DCLK1: variants seen among roughly 807,000 people sequenced by gnomAD.
DCLK1 encodes doublecortin like kinase 1, also known as serine/threonine-protein kinase DCLK1.
In DCLK1, 16 loss-of-function variants were observed where a neutral mutation model predicts 86.2. The ratio of observed to expected loss-of-function variants is 0.19; its 90% CI spans 0.13 to 0.28. The LOEUF is 0.28. Among genes scored for constraint, DCLK1 ranks in the 10% least tolerant of loss-of-function variants. The probability of loss-of-function intolerance (pLI) is 1.00; values close to 1 mark genes in which losing one functional copy is unlikely to be tolerated. For missense variants in DCLK1, 590 were observed against 940.2 expected, an observed-to-expected ratio of 0.63 and a Z score of 4.87; for synonymous variants, 369 against 370.5, an observed-to-expected ratio of 1.00 and a Z score of 0.05.
chr13:35,820,370 T>C (rs1338381075), intron 11 of DCLK1, among the ~76,000 whole-genome samples: 1 of 152,132 alleles, frequency 6.6e-6, no homozygotes, highest in Non-Finnish European at 1.5e-5. Context: ...GCTTCTTAAA[T>C]TAGAAGAGAA....
chr13:36,043,388 A>G (rs888253369), intron 3 of DCLK1, among the ~76,000 whole-genome samples: 1 of 152,078 alleles, frequency 6.6e-6, no homozygotes, highest in African/African-American at 2.4e-5. Flanking sequence ...AAATTAAGAC[A>G]TAGAAAATAT....
At chr13:35,919,371 T>A (rs1875645639) in intron 4 of DCLK1, among the ~76,000 whole-genome samples, 1 of 152,178 alleles carries the variant, frequency 6.6e-6, no homozygotes, top group Non-Finnish European at 1.5e-5. Context: ...TTCTATAGCA[T>A]CTTCAACAAA....
At chr13:36,114,214 A>G (rs1049511629) in intron 2 of DCLK1, among the ~76,000 whole-genome samples, 1 of 152,258 alleles carries the variant, frequency 6.6e-6, no homozygotes, top group African/African-American at 2.4e-5. Context: ...TTTTAAAAAT[A>G]TCTTCTTAGA....
At chr13:36,035,678 A>G (rs1437820857) in intron 3 of DCLK1, among the ~76,000 whole-genome samples, 1 of 152,150 alleles carries the variant, frequency 6.6e-6, no homozygotes, top group African/African-American at 2.4e-5. Flanking sequence ...AGCTGGGACC[A>G]CAGGCAAAAG....
intron 3 of DCLK1, among the ~76,000 whole-genome samples, chr13:36,059,379 T>C (rs1439123833): frequency 6.6e-6 from 1 of 151,348 alleles, no homozygotes; most frequent in Non-Finnish European, 1.5e-5. Flanking sequence ...TGCTAGAAAC[T>C]TGGCATTTAA....
chr13:35,884,074 C>T (rs976354457), intron 4 of DCLK1, among the ~76,000 whole-genome samples: 2 of 152,114 alleles, frequency 1.3e-5, no homozygotes, highest in Admixed American at 6.5e-5. Context: ...ATTAAAAACC[C>T]ATGTGATCCC....
intron 3 of DCLK1, among the ~76,000 whole-genome samples, chr13:35,962,421 A>G (rs1878509145): frequency 6.6e-6 from 1 of 152,186 alleles, no homozygotes; most frequent in Non-Finnish European, 1.5e-5. Context: ...GATTGCCAGC[A>G]AACACCAGAA....
chr13:36,051,157 A>T (rs1249876449), intron 3 of DCLK1, among the ~76,000 whole-genome samples: 2 of 152,232 alleles, frequency 1.3e-5, no homozygotes, highest in Non-Finnish European at 2.9e-5. Flanking sequence ...TGAGGAGAAG[A>T]TAAAAGCACC....
intron 4 of DCLK1, among the ~76,000 whole-genome samples, chr13:35,899,535 G>C (rs985361015): frequency 4.6e-5 from 7 of 152,144 alleles, no homozygotes; most frequent in African/African-American, 1.7e-4. Context: ...CATGTGGAAA[G>C]AATACTAATC....
intron 4 of DCLK1, among the ~76,000 whole-genome samples, chr13:35,941,395 C>A (rs1306849712): frequency 6.6e-6 from 1 of 152,136 alleles, no homozygotes; most frequent in Non-Finnish European, 1.5e-5. Context: ...ATTTACCAAG[C>A]AGATCTTGGG....
chr13:35,996,160 C>A (rs12430702), intron 3 of DCLK1, among the ~76,000 whole-genome samples: 54,929 of 152,016 alleles, frequency 0.36, 11,059 homozygotes, highest in Non-Finnish European at 0.44. Flanking sequence ...AACTCCTGAC[C>A]TCAGGGGATC....
intron 3 of DCLK1, among the ~76,000 whole-genome samples, chr13:35,985,300 C>T (rs988202264): frequency 3.3e-5 from 5 of 151,960 alleles, no homozygotes; most frequent in African/African-American, 9.7e-5. Flanking sequence ...TAGGGATCTA[C>T]AGGGTATGAG....
intron 3 of DCLK1, among the ~76,000 whole-genome samples, chr13:36,076,646 T>C (rs965749118): frequency 4.6e-5 from 7 of 152,202 alleles, no homozygotes; most frequent in Non-Finnish European, 8.8e-5. Context: ...ATTCTATTAA[T>C]TCAATGATTT....
intron 3 of DCLK1, among the ~76,000 whole-genome samples, chr13:36,058,222 T>C (rs976464787): frequency 2.0e-5 from 3 of 152,080 alleles, no homozygotes; most frequent in Admixed American, 6.5e-5. Context: ...TCGAGTACAA[T>C]TGCCATTCAC....
intron 10 of DCLK1, 118 bp downstream of exon 10, chr13:35,827,517 G>T: frequency 8.2e-7 from 1 of 1,223,994 alleles, no homozygotes; most frequent in Non-Finnish European, 1.1e-6. Context: ...TAATCACTGG[G>T]CCAATGTACA....
chr13:36,029,731 A>G (rs1412710828), intron 3 of DCLK1, among the ~76,000 whole-genome samples: 1 of 152,194 alleles, frequency 6.6e-6, no homozygotes, highest in Non-Finnish European at 1.5e-5. Context: ...TCCATTATGT[A>G]TTAGAAACCA....
At chr13:36,090,915 G>A (rs1267306732) in intron 3 of DCLK1, among the ~76,000 whole-genome samples, 2 of 152,088 alleles carry the variant, frequency 1.3e-5, no homozygotes, top group Admixed American at 6.5e-5. Context: ...ACATGGCTCA[G>A]TACAATCTCC....
intron 3 of DCLK1, among the ~76,000 whole-genome samples, chr13:36,004,250 T>G (rs942007338): frequency 6.6e-6 from 1 of 152,220 alleles, no homozygotes; most frequent in African/African-American, 2.4e-5. Context: ...TTCCAGAGAC[T>G]ATCTAAAAAT....
intron 3 of DCLK1, among the ~76,000 whole-genome samples, chr13:36,026,066 C>T (rs997140577): frequency 4.4e-4 from 67 of 152,070 alleles, no homozygotes; most frequent in Admixed American, 1.1e-3. Context: ...ATGAAACAAA[C>T]TGTCATGTTA....
Sources: gnomAD v4.1 joint callset for allele counts (sites outside exome capture counted in the v4.1 genomes callset) on GRCh38, gnomAD v4.1.1 for gene constraint, MANE v1.5 for transcripts, NCBI Gene and HGNC (gene_info 2026-07-23, HGNC 2026-07-21) for gene names.